SOX5: variants seen among roughly 807,000 people sequenced by gnomAD.
SOX5 encodes the protein transcription factor SOX-5.
In SOX5, 9 loss-of-function variants were observed where a neutral mutation model predicts 92.0. The observed-to-expected ratio is 0.10, with a 90% confidence interval of 0.06 to 0.17. The LOEUF (loss-of-function observed/expected upper bound fraction) is 0.17, where lower values mean the gene tolerates loss of function less well. Ranked by LOEUF, SOX5 falls within the 10% of genes least tolerant of loss-of-function variation. The probability of loss-of-function intolerance (pLI) is 1.00; values close to 1 mark genes in which losing one functional copy is unlikely to be tolerated. For synonymous variants in SOX5, 344 were observed against 336.3 expected (o/e 1.02, Z -0.25); for missense variants, 642 against 944.5 (o/e 0.68, Z 4.20).
intron 3 of SOX5, among the ~76,000 whole-genome samples, chr12:24,262,097 T>A (rs1172033619): frequency 1.3e-5 from 2 of 152,188 alleles, no homozygotes; most frequent in Admixed American, 6.5e-5. Context: ...AAAAACAGAC[T>A]ACTGCTCAGG....
intron 2 of SOX5, among the ~76,000 whole-genome samples, chr12:24,351,355 CA>C (rs1195303310): frequency 6.6e-6 from 1 of 152,168 alleles, no homozygotes; most frequent in Non-Finnish European, 1.5e-5. Flanking sequence ...CCAGAACAGA[CA>C]CGTAAATTAT....
chr12:23,834,953 G>A (rs992231856), intron 3 of SOX5, among the ~76,000 whole-genome samples: 3 of 151,756 alleles, frequency 2.0e-5, no homozygotes, highest in Admixed American at 6.6e-5. Context: ...GTATCTGTAA[G>A]GATTTTATTT....
rs542647875 is a variant in SOX5, at chr12:23,940,408, G to A, written c.38+9156C>T. Among the ~76,000 whole-genome samples, 13 of 151,240 alleles carry A rather than the reference G, an allele frequency of 8.6e-5. No homozygotes were observed. The South Asian group carries it at 1.7e-3, about 19-fold the overall frequency. On this transcript the variant is annotated intron_variant, in intron 1 of 14. Transcript: ENST00000451604. ...TGAAGTGCTTCTATATGTAAAGGCT[G>A]GCTATAGAGATAATCTCCAAATAGC...
chr12:23,837,841 A>G (rs868348481), intron 3 of SOX5, among the ~76,000 whole-genome samples: 24 of 90,988 alleles, frequency 2.6e-4, no homozygotes, highest in South Asian at 4.3e-4. Flanking sequence ...TATATAAGAT[A>G]TATTTATATT....
At chr12:24,316,169 ATCTC>A (rs1322219905) in intron 2 of SOX5, among the ~76,000 whole-genome samples, 1 of 152,224 alleles carries the variant, frequency 6.6e-6, no homozygotes, top group Non-Finnish European at 1.5e-5. Context: ...AGGAAGAAGT[ATCTC>A]AAGATGATTT....
chr12:24,117,348 T>C (rs986021976), intron 4 of SOX5, among the ~76,000 whole-genome samples: 6 of 152,312 alleles, frequency 3.9e-5, no homozygotes, highest in Admixed American at 3.3e-4. Flanking sequence ...GGAACCCTTG[T>C]ACACTGTTGG....
At chr12:24,540,436 C>G (rs753590480) in intron 1 of SOX5, among the ~76,000 whole-genome samples, 18 of 152,206 alleles carry the variant, frequency 1.2e-4, no homozygotes, top group Non-Finnish European at 2.2e-4. Context: ...ATTTTTCTCT[C>G]CATCTGAAAC....
chr12:24,038,128 C>T (rs1956214468), intron 4 of SOX5, among the ~76,000 whole-genome samples: 1 of 152,084 alleles, frequency 6.6e-6, no homozygotes, highest in Admixed American at 6.6e-5. Context: ...AAGCAAAATC[C>T]TACCAAAATT....
At chr12:23,872,000 T>A (rs2096877810) in intron 2 of SOX5, among the ~76,000 whole-genome samples, 1 of 150,214 alleles carries the variant, frequency 6.7e-6, no homozygotes, top group African/African-American at 2.4e-5. Context: ...ATTCTTTTTT[T>A]TTTTTTCTTT....
At chr12:24,031,716 C>T (rs1207013611) in intron 4 of SOX5, among the ~76,000 whole-genome samples, 1 of 151,148 alleles carries the variant, frequency 6.6e-6, no homozygotes, top group Non-Finnish European at 1.5e-5. Context: ...TTTTACACAT[C>T]CTAAAGAATG....
chr12:24,256,281 G>C (rs1306697628), intron 3 of SOX5, among the ~76,000 whole-genome samples: 1 of 152,232 alleles, frequency 6.6e-6, no homozygotes, highest in Non-Finnish European at 1.5e-5. Context: ...TGAAGTGTTA[G>C]ACACCTTTTA....
rs76669340 is a variant in SOX5 at position 24,022,833 on chromosome 12, C to T, written c.-1-126809G>A. 4.4e-3 allele frequency among the ~76,000 whole-genome samples: 664 copies of T among 151,872 alleles called. 4 individuals are homozygous for T. Among genetic ancestry groups the T allele is most frequent in the Middle Eastern group, 0.01 (3 of 294 alleles). On this transcript the variant is annotated intron_variant, in intron 4 of 4. Transcript: ENST00000446891. The stretch of plus-strand genomic sequence containing the variant: ...TTTGAATGGTGAATACACCAATGAA[C>T]GAATAAATGGCTTTAATAACACACT...
chr12:24,210,312 G>A (rs1040580622), intron 4 of SOX5, among the ~76,000 whole-genome samples: 1 of 152,144 alleles, frequency 6.6e-6, no homozygotes, highest in African/African-American at 2.4e-5. Context: ...TCATGGAGGA[G>A]GCAAACAGAG....
chr12:24,467,648 G>A (rs1944369531), intron 1 of SOX5, among the ~76,000 whole-genome samples: 1 of 152,150 alleles, frequency 6.6e-6, no homozygotes, highest in African/African-American at 2.4e-5. Context: ...ACACCACATA[G>A]GGGTGTTTAG....
intron 4 of SOX5, among the ~76,000 whole-genome samples, chr12:24,099,678 G>T (rs1945848346): frequency 1.3e-5 from 2 of 152,094 alleles, no homozygotes; most frequent in African/African-American, 2.4e-5. Context: ...AACATATCAT[G>T]TACTAGAGTT....
At chr12:24,361,209 C>A (rs1196539666) in intron 2 of SOX5, among the ~76,000 whole-genome samples, 1 of 152,108 alleles carries the variant, frequency 6.6e-6, no homozygotes, top group Non-Finnish European at 1.5e-5. Flanking sequence ...ATGACCATTA[C>A]AACAACAAAA....
At chr12:23,821,082 T>C (rs990645579) in intron 3 of SOX5, among the ~76,000 whole-genome samples, 2 of 152,236 alleles carry the variant, frequency 1.3e-5, no homozygotes, top group African/African-American at 4.8e-5. Flanking sequence ...CATTTGTTTG[T>C]GTCCTCTCTT....
At chr12:23,748,173 T>C (rs529983897) in intron 4 of SOX5, among the ~76,000 whole-genome samples, 55 of 152,064 alleles carry the variant, frequency 3.6e-4, no homozygotes, top group African/African-American at 1.3e-3. Context: ...CCCAGTAGAG[T>C]ATAAGCTTTA....
intron 6 of SOX5, among the ~76,000 whole-genome samples, chr12:23,692,439 G>A (rs369277490): frequency 4.6e-4 from 61 of 132,660 alleles, no homozygotes; most frequent in South Asian, 5.0e-4. Context: ...TACGCCTCAG[G>A]AAAAAAAAAA....
Sources: allele counts gnomAD v4.1 joint callset (sites outside exome capture counted in the v4.1 genomes callset), GRCh38; gene constraint gnomAD v4.1.1; transcripts MANE v1.5; gene names NCBI Gene and HGNC (gene_info 2026-07-23, HGNC 2026-07-21).